The following WDPCP variants were observed in gnomAD, a reference collection of about 807,000 sequenced individuals.
The protein encoded by WDPCP is WD repeat containing planar cell polarity effector.
WDPCP carries 71 observed loss-of-function variants against 93.1 expected under a neutral mutation model. The observed-to-expected ratio is 0.76, with a 90% CI of 0.63 to 0.93. The LOEUF is 0.93. Ranked by LOEUF, WDPCP falls within the 40% of genes least tolerant of loss-of-function variation. The pLI is 0.00. For missense variants in WDPCP, 844 were observed against 887.4 expected (o/e 0.95, Z 0.62); for synonymous variants, 315 against 315.0 (o/e 1.00, Z 0.00).
At chr2:63,292,919 TCCACCACC>T (rs1684553408) in intron 13 of WDPCP, among the ~76,000 whole-genome samples, 1 of 152,194 alleles carries the variant, frequency 6.6e-6, no homozygotes, top group African/African-American at 2.4e-5. Context: ...CTGTTACACA[TCCACCACC>T]CCAGCTGTAT....
intron 14 of WDPCP, among the ~76,000 whole-genome samples, chr2:63,216,723 TAAAA>T (rs754155315): frequency 6.7e-6 from 1 of 150,122 alleles, no homozygotes; most frequent in Admixed American, 6.6e-5. Context: ...AAAAAAAAAC[TAAAA>T]AAAAATAAAT....
chr2:63,511,758 T>C (rs1287068121), intron 1 of WDPCP, among the ~76,000 whole-genome samples: 3 of 152,190 alleles, frequency 2.0e-5, no homozygotes, highest in Non-Finnish European at 2.9e-5. Flanking sequence ...CATGATGGAT[T>C]AAAGATTTAA....
intron 2 of WDPCP, among the ~76,000 whole-genome samples, chr2:63,698,218 G>A (rs1428323158): frequency 6.6e-6 from 1 of 152,146 alleles, no homozygotes; most frequent in Non-Finnish European, 1.5e-5. Flanking sequence ...GCCTCCCAAA[G>A]TGCTCGACTT....
chr2:63,243,461 A>AT, intron 14 of WDPCP, among the ~76,000 whole-genome samples: 1 of 152,020 alleles, frequency 6.6e-6, no homozygotes. Context: ...AACATCTCCC[A>AT]TTTTGTAGAT....
intron 2 of WDPCP, among the ~76,000 whole-genome samples, chr2:63,657,580 AG>A (rs1252878379): frequency 1.3e-5 from 2 of 152,122 alleles, no homozygotes; most frequent in African/African-American, 4.8e-5. Flanking sequence ...GAATATTTAA[AG>A]GCAACTGCAA....
At chr2:63,745,236 G>A (rs983410697) in intron 2 of WDPCP, among the ~76,000 whole-genome samples, 4 of 152,084 alleles carry the variant, frequency 2.6e-5, no homozygotes, top group African/African-American at 9.7e-5. Context: ...TTTACACATT[G>A]GTTTGTTCTG....
intron 1 of WDPCP, among the ~76,000 whole-genome samples, chr2:63,536,896 G>A (rs996408852): frequency 6.7e-6 from 1 of 149,830 alleles, no homozygotes; most frequent in African/African-American, 2.5e-5. Context: ...CTCCCAAGTA[G>A]CTGGGATTAC....
chr2:63,385,343 A>G (rs1692643509), intron 10 of WDPCP, among the ~76,000 whole-genome samples: 1 of 152,118 alleles, frequency 6.6e-6, no homozygotes, highest in Non-Finnish European at 1.5e-5. Context: ...AGATGATGTA[A>G]CACTTCTAAA....
chr2:63,341,765 T>C (rs1404139641), intron 12 of WDPCP, among the ~76,000 whole-genome samples: 1 of 152,248 alleles, frequency 6.6e-6, no homozygotes, highest in Non-Finnish European at 1.5e-5. Flanking sequence ...ATGCATTTTC[T>C]CTTTCATCAA....
rs190610970 is a variant in WDPCP, at chr2:63,579,046, T to C, written c.75+9151A>G. On this transcript the variant is annotated intron_variant, in intron 1 of 17. Transcript: ENST00000272321. ...GCATCCTATGACAAAGCATCTGAGG[T>C]GGTCTCTGTTCCTTACGTTCTCCAG... 1.7e-3 allele frequency among the ~76,000 whole-genome samples: 266 copies of C among 152,264 alleles called. 1 individual carries two copies. Among genetic ancestry groups the C allele is most frequent in the Admixed American group, 4.4e-3 (67 of 15,276 alleles).
chr2:63,199,089 G>A (rs1189346686), intron 14 of WDPCP, among the ~76,000 whole-genome samples: 10 of 152,158 alleles, frequency 6.6e-5, no homozygotes, highest in Admixed American at 6.5e-4. Flanking sequence ...GGTATATGGT[G>A]GAAGGATTTC....
chr2:63,823,043 T>C (rs1260442571), intron 1 of WDPCP, among the ~76,000 whole-genome samples: 2 of 151,744 alleles, frequency 1.3e-5, no homozygotes, highest in Non-Finnish European at 1.5e-5. Context: ...ACCAAGTTTT[T>C]TGTCTTAAAC....
chr2:63,399,421 G>T (rs12478262), intron 10 of WDPCP, among the ~76,000 whole-genome samples: 63,169 of 151,746 alleles, frequency 0.42, 13,406 homozygotes, highest in Non-Finnish European at 0.43. Flanking sequence ...TTAGTAAGAA[G>T]GCAAATGTGC....
chr2:63,556,498 G>A (rs1186703614), intron 1 of WDPCP, among the ~76,000 whole-genome samples: 1 of 152,134 alleles, frequency 6.6e-6, no homozygotes, highest in Non-Finnish European at 1.5e-5. Context: ...TCTTTGCATT[G>A]GGTTGGAACA....
chr2:63,761,459 G>T (rs1398651451), intron 2 of WDPCP, among the ~76,000 whole-genome samples: 1 of 152,052 alleles, frequency 6.6e-6, no homozygotes, highest in Non-Finnish European at 1.5e-5. Context: ...CCTTTTTCTA[G>T]CATCATCCTA....
At chr2:63,479,792 G>C (rs1028033239) in intron 6 of WDPCP, among the ~76,000 whole-genome samples, 1 of 151,924 alleles carries the variant, frequency 6.6e-6, no homozygotes, top group African/African-American at 2.4e-5. Flanking sequence ...ATTCAACATA[G>C]TACTGGAAGT....
chr2:63,676,045 A>G (rs553758579), intron 2 of WDPCP, among the ~76,000 whole-genome samples: 1 of 152,322 alleles, frequency 6.6e-6, no homozygotes, highest in South Asian at 2.1e-4. Flanking sequence ...AGATATTATT[A>G]GATAGAGTTC....
chr2:63,398,024 A>G (rs1361089604), intron 10 of WDPCP, among the ~76,000 whole-genome samples: 1 of 152,164 alleles, frequency 6.6e-6, no homozygotes, highest in East Asian at 1.9e-4. Context: ...GTCAAAGGGA[A>G]TGTTATGGGA....
chr2:63,694,566 A>T (rs1668937678), intron 2 of WDPCP, among the ~76,000 whole-genome samples: 1 of 152,168 alleles, frequency 6.6e-6, no homozygotes, highest in South Asian at 2.1e-4. Context: ...TTATTTTATT[A>T]CCATTCATCA....
Sources: allele counts gnomAD v4.1 joint callset (sites outside exome capture counted in the v4.1 genomes callset), GRCh38; gene constraint gnomAD v4.1.1; transcripts MANE v1.5; gene names NCBI Gene and HGNC (gene_info 2026-07-23, HGNC 2026-07-21).